Variants in TFEC observed in about 807,000 individuals in gnomAD.
TFEC encodes the protein class E basic helix-loop-helix protein 34.
Under a neutral mutation model 41.6 loss-of-function variants are expected in TFEC, and 31 were observed. That is an observed-to-expected ratio of 0.74 (90% CI 0.56 to 1.01). The LOEUF is 1.01. Ranked by LOEUF, TFEC falls within the 50% of genes least tolerant of loss-of-function variation. The probability of loss-of-function intolerance (pLI) is 0.00; values close to 1 mark genes in which losing one functional copy is unlikely to be tolerated. For missense variants in TFEC, 402 were observed against 404.1 expected (o/e 0.99, Z 0.04); for synonymous variants, 143 against 140.6 (o/e 1.02, Z -0.12).
At position 115,968,087 on chromosome 7, in the gene TFEC, C is replaced by T. The variant is rs528911248; in HGVS notation, c.267+6083G>A. 3.9e-5 allele frequency: 48 copies of T among 1,241,686 alleles called. No homozygotes were observed. In the South Asian group the frequency reaches 7.9e-4, roughly 20 times the overall value. The allele number at this position is 1,241,686 out of a possible 1,614,324, so 76.9% of individuals were successfully genotyped here. On this transcript the variant is annotated intron_variant, in intron 3 of 7. Transcript: ENST00000265440. ...CGTTTCAAAGCTCAATGTTCACATACCTTATTTTATTGACTATAAGTTTAT... is the reference window on the plus strand; with the variant it reads ...CGTTTCAAAGCTCAATGTTCACATATCTTATTTTATTGACTATAAGTTTAT...
At chr7:116,041,401 C>A in intron 3 of TFEC, among the ~76,000 whole-genome samples, 1 of 151,980 alleles carries the variant, frequency 6.6e-6, no homozygotes. Context: ...TAATTTTGGG[C>A]ATGTGTATTA....
intron 1 of TFEC, among the ~76,000 whole-genome samples, chr7:116,005,474 CCT>C (rs1187687478): frequency 6.6e-6 from 1 of 152,064 alleles, no homozygotes; most frequent in African/African-American, 2.4e-5. Context: ...GCATTTTGCC[CCT>C]GCTGTAGAGA....
chr7:116,120,204 G>A (rs906117084), intron 1 of TFEC: 6 of 151,896 alleles, frequency 4.0e-5, no homozygotes. Context: ...GAACCCCTGT[G>A]TTTCAGGGAA....
At chr7:115,993,738 CG>C (rs1794230067) in intron 1 of TFEC, among the ~76,000 whole-genome samples, 1 of 152,140 alleles carries the variant, frequency 6.6e-6, no homozygotes, top group Admixed American at 6.5e-5. Flanking sequence ...ATTCCATGCT[CG>C]TGGATAGGAA....
intron 1 of TFEC, among the ~76,000 whole-genome samples, chr7:116,134,641 C>A (rs2116340140): frequency 6.6e-6 from 1 of 152,156 alleles, no homozygotes; most frequent in African/African-American, 2.4e-5. Context: ...AGACTGTGAG[C>A]ATTGCTATAC....
Position 115,939,538 on chromosome 7 carries a change from T to C in TFEC, c.*1013A>G, listed in dbSNP as rs938114359. ...ATTGGCAATTCAATTTTCAATATTTTATCCATTTGGAGAAAAACCAAATCA... is the reference window on the plus strand; with the variant it reads ...ATTGGCAATTCAATTTTCAATATTTCATCCATTTGGAGAAAAACCAAATCA... On this transcript the variant is annotated 3_prime_UTR_variant, in exon 8 of 8. Transcript: ENST00000265440. 1 of 152,118 alleles carries C rather than the reference T, an allele frequency of 6.6e-6. No homozygotes were observed. Among genetic ancestry groups the C allele is most frequent in the Non-Finnish European group, 1.5e-5 (1 of 67,984 alleles). The allele number at this position is 152,118 out of a possible 1,614,324, so 9.4% of individuals were successfully genotyped here.
chr7:115,939,047 T>A lies in TFEC; in HGVS notation c.*1504A>T, dbSNP rs1191760634. On this transcript the variant is annotated 3_prime_UTR_variant, in exon 8 of 8. Transcript: ENST00000265440. The stretch of plus-strand genomic sequence containing the variant: ...TGCCTTTCAAAGAGAAGTCAAATTC[T>A]GCTGTTCCCATAAAGTTTGTCAGTC... The A allele has an allele frequency of 6.6e-6, 1 of 152,062 alleles. No homozygotes were observed. Among genetic ancestry groups the A allele is most frequent in the Non-Finnish European group, 1.5e-5 (1 of 67,958 alleles). 9.4% of individuals were successfully genotyped at this position (152,062 alleles called of 1,614,324 possible). A position where few individuals can be genotyped will look rare whatever the true frequency, so the allele number is the denominator to read the frequency against.
At chr7:116,038,124 C>T (rs1201689228) in intron 3 of TFEC, among the ~76,000 whole-genome samples, 2 of 151,970 alleles carry the variant, frequency 1.3e-5, no homozygotes, top group African/African-American at 4.8e-5. Context: ...TTTATAAGAA[C>T]AAGGAGTTTC....
chr7:116,085,417 T>C (rs67138079), intron 3 of TFEC, among the ~76,000 whole-genome samples: 19,239 of 151,820 alleles, frequency 0.13, 1,550 homozygotes, highest in African/African-American at 0.23. Flanking sequence ...TCTTTTTCTA[T>C]GGTAGAGAGA....
chr7:115,967,221 A>G (rs139440733), intron 3 of TFEC, among the ~76,000 whole-genome samples: 265 of 151,816 alleles, frequency 1.7e-3, no homozygotes, highest in African/African-American at 6.2e-3. Context: ...AATACCTTAT[A>G]TATATGTGTC....
intron 1 of TFEC, among the ~76,000 whole-genome samples, chr7:116,029,428 A>T (rs1426742547): frequency 6.6e-6 from 1 of 152,146 alleles, no homozygotes; most frequent in Non-Finnish European, 1.5e-5. Flanking sequence ...AATGCTGATA[A>T]TAAACTGCGT....
intron 3 of TFEC, among the ~76,000 whole-genome samples, chr7:115,958,050 T>A (rs1792328173): frequency 6.6e-6 from 1 of 151,888 alleles, no homozygotes; most frequent in Non-Finnish European, 1.5e-5. Context: ...TATTTTTTCA[T>A]ATTTTTTCAT....
At chr7:116,094,522 T>G (rs925384177) in intron 3 of TFEC, among the ~76,000 whole-genome samples, 3 of 150,654 alleles carry the variant, frequency 2.0e-5, no homozygotes, top group African/African-American at 7.3e-5. Context: ...CTACCAAAAA[T>G]GCAAAAAATT....
intron 1 of TFEC, among the ~76,000 whole-genome samples, chr7:116,130,250 T>C (rs1798305193): frequency 6.6e-6 from 1 of 152,298 alleles, no homozygotes; most frequent in East Asian, 1.9e-4. Flanking sequence ...TGTTTTCTTA[T>C]CCATTCACTA....
chr7:115,971,330 T>C (rs1476613738), intron 3 of TFEC, among the ~76,000 whole-genome samples: 1 of 151,914 alleles, frequency 6.6e-6, no homozygotes, highest in Non-Finnish European at 1.5e-5. Flanking sequence ...CATTTGTTTT[T>C]GAGAATCAGA....
At chr7:116,076,640 T>C (rs1018117369) in intron 3 of TFEC, among the ~76,000 whole-genome samples, 2 of 151,972 alleles carry the variant, frequency 1.3e-5, no homozygotes, top group African/African-American at 4.8e-5. Flanking sequence ...CACTGGAAAG[T>C]CTCAGCAATA....
At chr7:116,075,320 G>A (rs533281329) in intron 3 of TFEC, among the ~76,000 whole-genome samples, 160 of 152,282 alleles carry the variant, frequency 1.1e-3, no homozygotes, top group African/African-American at 3.8e-3. Context: ...AGTGTGTGGA[G>A]ACTCACATCA....
At chr7:116,066,373 TC>T (rs1431480662) in intron 3 of TFEC, among the ~76,000 whole-genome samples, 1 of 152,164 alleles carries the variant, frequency 6.6e-6, no homozygotes, top group African/African-American at 2.4e-5. Flanking sequence ...TAAGTTCATG[TC>T]TAAGAGATTA....
At chr7:116,102,231 C>T (rs1053813306) in intron 3 of TFEC, among the ~76,000 whole-genome samples, 3 of 152,146 alleles carry the variant, frequency 2.0e-5, no homozygotes, top group Admixed American at 6.6e-5. Context: ...CTTCCCAGCA[C>T]TCAAAGCAAA....
Sources: gnomAD v4.1 joint callset for allele counts (sites outside exome capture counted in the v4.1 genomes callset) on GRCh38, gnomAD v4.1.1 for gene constraint, MANE v1.5 for transcripts, NCBI Gene and HGNC (gene_info 2026-07-23, HGNC 2026-07-21) for gene names.